The following RHBDF2 variants were observed in gnomAD, a reference collection of about 807,000 sequenced individuals.
RHBDF2 encodes rhomboid 5 homolog 2.
RHBDF2 carries 38 observed loss-of-function variants against 95.2 expected under a neutral mutation model. The ratio of observed to expected loss-of-function variants is 0.40; its 90% CI spans 0.31 to 0.52. The LOEUF is 0.52. RHBDF2 is among the 20% of genes least tolerant of loss of function. The probability of loss-of-function intolerance (pLI) is 0.56; values close to 1 mark genes in which losing one functional copy is unlikely to be tolerated. For missense variants in RHBDF2, 863 were observed against 1,137.7 expected, an observed-to-expected ratio of 0.76 and a Z score of 3.47; for synonymous variants, 442 against 462.0, an observed-to-expected ratio of 0.96 and a Z score of 0.55.
chr17:76,498,590 G>A (rs1298942424), intron 1 of RHBDF2, among the ~76,000 whole-genome samples: 1 of 152,184 alleles, frequency 6.6e-6, no homozygotes, highest in Non-Finnish European at 1.5e-5. Flanking sequence ...CCTTGTCTGG[G>A]GCAGAGTTTA....
Position 76,474,034 on chromosome 17 carries a change from TG to T in RHBDF2, c.1572del (p.Arg525GlyfsTer125). 6.2e-7 allele frequency: 1 copy of T among 1,611,480 alleles called. No individual in the cohort carries two copies. ...RTSGAVCHQDPRTCEEPASSG... is the reference protein window; with the variant it reads ...RTSGAVCHQDXRTCEEPASSG... ...CCCAGCAGAGGCTCCAGGCCCTACCTGGGGTCCTGGTGGCAGACAGCCCCCG... is the reference window on the plus strand; with the variant it reads ...CCCAGCAGAGGCTCCAGGCCCTACCTGGGTCCTGGTGGCAGACAGCCCCCG... On this transcript the variant is annotated frameshift_variant and splice_region_variant, in exon 13 of 19. Coordinates refer to ENST00000675367, the MANE Select transcript of RHBDF2 (RefSeq NM_001005498.4). LOFTEE classifies it high-confidence loss of function.
intron 1 of RHBDF2, among the ~76,000 whole-genome samples, chr17:76,490,171 G>A (rs939684915): frequency 1.3e-5 from 2 of 152,224 alleles, no homozygotes; most frequent in East Asian, 1.9e-4. Context: ...AGAATGCTGG[G>A]TGCAGAGGAG....
At chr17:76,484,083 G>A (rs1206636180) in intron 2 of RHBDF2, among the ~76,000 whole-genome samples, 1 of 152,066 alleles carries the variant, frequency 6.6e-6, no homozygotes, top group African/African-American at 2.4e-5. Flanking sequence ...CCAACATGGA[G>A]AAACCCCGTC....
intron 3 of RHBDF2, among the ~76,000 whole-genome samples, chr17:76,480,897 G>A (rs538943159): frequency 5.8e-4 from 88 of 152,244 alleles, no homozygotes; most frequent in Admixed American, 5.6e-3. Context: ...GCCACAAGCC[G>A]GTTTTCAATG....
intron 3 of RHBDF2, among the ~76,000 whole-genome samples, chr17:76,480,605 C>T (rs1416789446): frequency 2.6e-5 from 4 of 152,104 alleles, no homozygotes; most frequent in East Asian, 1.9e-4. Flanking sequence ...AGTCTGGTCT[C>T]GAACTCCTGG....
At chr17:76,489,169 T>C (rs2074230646) in intron 1 of RHBDF2, among the ~76,000 whole-genome samples, 2 of 152,100 alleles carry the variant, frequency 1.3e-5, no homozygotes, top group African/African-American at 4.8e-5. Flanking sequence ...ATATTTAACA[T>C]TCAAAGTCCA....
At chr17:76,500,886 C>T (rs2144513859) in intron 1 of RHBDF2, 1 of 152,612 alleles carries the variant, frequency 6.6e-6, no homozygotes, top group East Asian at 1.9e-4. Flanking sequence ...CTGTTTCCAC[C>T]TTGGCTGGCT....
chr17:76,480,967 A>G (rs574552250), intron 3 of RHBDF2, among the ~76,000 whole-genome samples: 4 of 152,298 alleles, frequency 2.6e-5, no homozygotes, highest in African/African-American at 9.6e-5. Flanking sequence ...TCGTCCTCCC[A>G]AAGGAAGCGG....
intron 2 of RHBDF2, 99 bp from the exon 3 acceptor site, chr17:76,481,644 G>C: frequency 8.6e-7 from 1 of 1,161,386 alleles, no homozygotes; most frequent in East Asian, 2.6e-5. Context: ...GAACCAACTT[G>C]CCTAAAGTTG....
At chr17:76,475,546 G>A (rs574615197) in intron 9 of RHBDF2, among the ~76,000 whole-genome samples, 2 of 151,936 alleles carry the variant, frequency 1.3e-5, no homozygotes, top group South Asian at 4.2e-4. Flanking sequence ...ATCCTCCTCC[G>A]GGACACCCAC....
At position 76,473,110 on chromosome 17, in the gene RHBDF2, G is replaced by A. The variant is rs1199440265; in HGVS notation, c.1810-5C>T. 6.2e-7 allele frequency: 1 copy of A among 1,612,368 alleles called. No homozygotes were observed. The highest frequency in any genetic ancestry group is 1.7e-5 in the Admixed American group (1 of 60,018). ...CACCTTGTCCAAGCAGTGCACCTGG[G>A]AGTGGGCATATGGTGCTCAGCGCCC... On this transcript the variant is annotated splice_polypyrimidine_tract_variant and splice_region_variant and intron_variant, in intron 16 of 18. Coordinates refer to ENST00000675367, the MANE Select transcript of RHBDF2 (RefSeq NM_001005498.4).
intron 1 of RHBDF2, among the ~76,000 whole-genome samples, chr17:76,496,244 G>A (rs2074423682): frequency 6.6e-6 from 1 of 152,224 alleles, no homozygotes; most frequent in African/African-American, 2.4e-5. Flanking sequence ...ATTCCTGGCT[G>A]AGCTCTGCCA....
intron 3 of RHBDF2, among the ~76,000 whole-genome samples, chr17:76,480,499 C>A (rs1238505509): frequency 6.6e-6 from 1 of 151,984 alleles, no homozygotes; most frequent in African/African-American, 2.4e-5. Flanking sequence ...AGCCTTCTAC[C>A]TCAGTGTCCT....
intron 2 of RHBDF2, among the ~76,000 whole-genome samples, chr17:76,482,758 G>C (rs2074008777): frequency 1.3e-5 from 2 of 151,674 alleles, no homozygotes; most frequent in African/African-American, 4.9e-5. Flanking sequence ...GGGCGACAGA[G>C]TGAGAAAATG....
intron 18 of RHBDF2, among the ~76,000 whole-genome samples, chr17:76,472,372 A>T (rs1006427413): frequency 6.6e-6 from 1 of 152,210 alleles, no homozygotes; most frequent in African/African-American, 2.4e-5. Flanking sequence ...GGTGGAACTG[A>T]TCAGACTGCC....
chr17:76,484,668 C>T, intron 2 of RHBDF2, among the ~76,000 whole-genome samples: 1 of 152,150 alleles, frequency 6.6e-6, no homozygotes, highest in Non-Finnish European at 1.5e-5. Flanking sequence ...TCAACTCTCT[C>T]CCAGGATTTC....
At position 76,471,330 on chromosome 17, in the gene RHBDF2, A is replaced by T; in HGVS notation, c.*303T>A. ...GGGAAGAAAAGGACCCTGCCCCAGG[A>T]GATGGTCTCAGCAAGGAGCGGGATA... On this transcript the variant is annotated 3_prime_UTR_variant, in exon 19 of 19. Coordinates refer to ENST00000675367, the MANE Select transcript of RHBDF2 (RefSeq NM_001005498.4). The T allele has an allele frequency of 2.8e-6, 1 of 361,682 alleles. No homozygotes were observed. The highest frequency in any genetic ancestry group is 5.0e-6 in the Non-Finnish European group (1 of 199,080). 22.4% of individuals were successfully genotyped at this position (361,682 alleles called of 1,614,324 possible).
chr17:76,489,152 A>G (rs1373216255), intron 1 of RHBDF2, among the ~76,000 whole-genome samples: 1 of 151,802 alleles, frequency 6.6e-6, no homozygotes, highest in African/African-American at 2.4e-5. Flanking sequence ...AAACAAAAGA[A>G]CCCCACATAT....
intron 1 of RHBDF2, among the ~76,000 whole-genome samples, chr17:76,497,458 C>T (rs1020955914): frequency 6.6e-6 from 1 of 152,212 alleles, no homozygotes; most frequent in Non-Finnish European, 1.5e-5. Context: ...GCCACTCCTA[C>T]AGAATAACAA....
Sources: gnomAD v4.1 joint callset for allele counts (sites outside exome capture counted in the v4.1 genomes callset) on GRCh38, gnomAD v4.1.1 for gene constraint, MANE v1.5 for transcripts, NCBI Gene and HGNC (gene_info 2026-07-23, HGNC 2026-07-21) for gene names.